JAML: variants seen among roughly 807,000 people sequenced by gnomAD.
JAML encodes the protein junctional adhesion molecule-like.
A neutral mutation model predicts 39.3 loss-of-function variants in JAML; 25 were observed. That is an observed-to-expected ratio of 0.64 (90% CI 0.46 to 0.89). The LOEUF (loss-of-function observed/expected upper bound fraction) is 0.89, where lower values mean the gene tolerates loss of function less well. Ranked by LOEUF, JAML falls within the 40% of genes least tolerant of loss-of-function variation. JAML has a pLI of 0.00. For synonymous variants in JAML, 162 were observed against 179.2 expected (o/e 0.90, Z 0.77); for missense variants, 440 against 486.9 (o/e 0.90, Z 0.91).
In JAML at chr11:118,194,318, A is replaced by C; in HGVS notation, c.*7T>G. On this transcript the variant is annotated 3_prime_UTR_variant, in exon 10 of 10. Coordinates refer to ENST00000356289, the MANE Select transcript of JAML (RefSeq NM_001098526.2). The stretch of plus-strand genomic sequence containing the variant: ...CGCTGCTGAGATGAAGGGACTCTCC[A>C]TTCTTCTCAAAAGGCTTGCTGTGTT... 6.2e-7 allele frequency: 1 copy of C among 1,609,110 alleles called. No individual in the cohort carries two copies. The highest frequency in any genetic ancestry group is 8.5e-7 in the Non-Finnish European group (1 of 1,175,908).
Position 118,203,036 on chromosome 11 carries a change from C to T in JAML, c.772+392G>A, listed in dbSNP as rs1383616031. ...TCTCTCACTAGCTTAGGATCATTTC[C>T]CGCTCCACTCTAACACATACAGCAC... On this transcript the variant is annotated intron_variant, in intron 6 of 9. Transcript: ENST00000356289. 3 of 462,148 alleles carry T rather than the reference C, an allele frequency of 6.5e-6. No individual in the cohort carries two copies. In the East Asian group the frequency reaches 2.0e-4, roughly 31 times the overall value. The allele number at this position is 462,148 out of a possible 1,614,324, so 28.6% of individuals were successfully genotyped here.
chr11:118,213,430 G>A, intron 2 of JAML: 1 of 687,618 alleles, frequency 1.5e-6, no homozygotes, highest in Non-Finnish European at 1.8e-6. Context: ...TTAACTTCCT[G>A]CCCCAACAGT....
At chr11:118,217,479 G>A (rs1039114111) in intron 1 of JAML, among the ~76,000 whole-genome samples, 3 of 152,178 alleles carry the variant, frequency 2.0e-5, no homozygotes, top group Non-Finnish European at 4.4e-5. Context: ...GAAGACAGAA[G>A]CAATGATTTT....
rs766278429 is a variant in JAML at position 118,210,625 on chromosome 11, A to G, written c.286T>C (p.Cys96Arg). 20 of 1,614,230 alleles carry G rather than the reference A, an allele frequency of 1.2e-5. No homozygotes were observed. In the South Asian group the frequency reaches 1.9e-4, roughly 15 times the overall value. ...TGGAGCAGGAGAGAGCCATCATTGC[A>G]TAAGATGTCCCCCATCAAGTGTACG... Reference protein sequence around the residue: ...NRVHLMGDILCNDGSLLLQDV... With the variant: ...NRVHLMGDILRNDGSLLLQDV... The change falls in exon 4 of 10, where the codon TGC becomes CGC. Residue 96 changes from cysteine to arginine, a missense_variant. Physicochemically the swap from Cys to Arg is radical, Grantham distance 180. Coordinates refer to ENST00000356289, the MANE Select transcript of JAML (RefSeq NM_001098526.2).
At chr11:118,210,862 C>G in intron 3 of JAML, 150 bp from the exon 4 acceptor site, 1 of 651,106 alleles carries the variant, frequency 1.5e-6, no homozygotes, top group Admixed American at 2.9e-5. Context: ...AAATAATGTG[C>G]CAGGCAACAG....
chr11:118,206,517 A>T (rs1948918775), intron 4 of JAML, among the ~76,000 whole-genome samples: 1 of 152,120 alleles, frequency 6.6e-6, no homozygotes, highest in African/African-American at 2.4e-5. Flanking sequence ...TCTCCCAACT[A>T]AAAAAATGAA....
rs775353329 is a variant in JAML at position 118,200,588 on chromosome 11, C to A, written c.797G>T (p.Arg266Met). The change falls in exon 7 of 10, where the codon AGG (arginine) becomes ATG (methionine). Residue 266 changes from arginine (R) to methionine (M), a missense_variant. By Grantham distance (91) the Arg-to-Met change is moderately conservative. Coordinates refer to ENST00000356289, the MANE Select transcript of JAML (RefSeq NM_001098526.2). ...PRTLVTPAAL[R>M]PLVLGGNQLV... ...CTGATTACCACCCAAGACCAGAGGC[C>A]TCAGGGCTGCCGGGGTCACCAGTGC... 6.2e-7 allele frequency: 1 copy of A among 1,614,138 alleles called. No individual in the cohort carries two copies. The highest frequency in any genetic ancestry group is 8.5e-7 in the Non-Finnish European group (1 of 1,180,024).
chr11:118,207,228 C>T (rs1948935962), intron 4 of JAML, among the ~76,000 whole-genome samples: 1 of 152,222 alleles, frequency 6.6e-6, no homozygotes, highest in African/African-American at 2.4e-5. Flanking sequence ...GCAATAATAA[C>T]AACTGAACAT....
At chr11:118,210,158 G>A (rs769062353) in intron 4 of JAML, among the ~76,000 whole-genome samples, 1 of 152,232 alleles carries the variant, frequency 6.6e-6, no homozygotes, top group Non-Finnish European at 1.5e-5. Context: ...TTTGTTGTCA[G>A]AGGTGCCAGG....
chr11:118,216,348 G>A (rs191412886), intron 1 of JAML, among the ~76,000 whole-genome samples: 57 of 148,190 alleles, frequency 3.8e-4, no homozygotes, highest in African/African-American at 1.4e-3. Context: ...CAGCCTGGGC[G>A]ACAGAGCGAG....
intron 4 of JAML, among the ~76,000 whole-genome samples, chr11:118,208,739 T>C (rs369457751): frequency 1.3e-5 from 2 of 152,228 alleles, no homozygotes; most frequent in East Asian, 1.9e-4. Context: ...TTTACTTTCA[T>C]TTATGTATTT....
chr11:118,210,608 G>A lies in JAML; in HGVS notation c.303C>T (p.Leu101=), dbSNP rs775861318. Residue 101 remains leucine (L), a synonymous_variant, in exon 4 of 10, where the codon CTC becomes CTT. Transcript: ENST00000356289. ...MGDILCNDGS[L]LLQDVQEADQ... ...CAGCCTCTTGCACATCTTGGAGCAGGAGAGAGCCATCATTGCATAAGATGT... is the reference window on the plus strand; with the variant it reads ...CAGCCTCTTGCACATCTTGGAGCAGAAGAGAGCCATCATTGCATAAGATGT... The A allele has an allele frequency of 9.3e-6, 15 of 1,614,122 alleles. No individual in the cohort carries two copies. The highest frequency in any genetic ancestry group is 1.2e-5 in the Non-Finnish European group (14 of 1,180,038).
intron 8 of JAML, 62 bp downstream of exon 8, chr11:118,197,936 G>C: frequency 6.9e-7 from 1 of 1,456,314 alleles, no homozygotes; most frequent in South Asian, 1.1e-5. Context: ...ATGGTTCCCG[G>C]GGGTATGAGA....
intron 1 of JAML, among the ~76,000 whole-genome samples, chr11:118,224,533 C>T (rs573888874): frequency 2.0e-5 from 3 of 152,260 alleles, no homozygotes; most frequent in African/African-American, 7.2e-5. Context: ...CTTAAATACA[C>T]ACAATAAAAT....
rs780482185 is a variant in JAML, at chr11:118,222,363, C to T, written c.-21+2578G>A. ...TGAGCCCAGGAGGCTGAGGCTGCAG[C>T]GAGTTGTGATCGCACCACTGCATTC... On this transcript the variant is annotated intron_variant, in intron 1 of 9. Coordinates refer to ENST00000356289, the MANE Select transcript of JAML (RefSeq NM_001098526.2). This position sits in a 1 kb window ranked among gnomAD's most constrained non-coding sequence, Gnocchi z 4.2. Among the ~76,000 whole-genome samples, 23 of 152,078 alleles carry T rather than the reference C, an allele frequency of 1.5e-4. No individual in the cohort carries two copies. Among genetic ancestry groups the T allele is most frequent in the African/African-American group, 2.4e-4 (10 of 41,416 alleles).
At chr11:118,210,439 A>C in intron 4 of JAML, 48 bp downstream of exon 4, 1 of 1,590,926 alleles carries the variant, frequency 6.3e-7, no homozygotes. Flanking sequence ...CCTCTTGCAC[A>C]TGAAAGCTCT....
chr11:118,213,799 A>AT (rs1949104737), intron 2 of JAML, among the ~76,000 whole-genome samples: 1 of 152,202 alleles, frequency 6.6e-6, no homozygotes, highest in Non-Finnish European at 1.5e-5. Context: ...AAGTCACCAC[A>AT]TACAGGGGTT....
chr11:118,205,625 T>C (rs1948899675), intron 5 of JAML: 1 of 454,898 alleles, frequency 2.2e-6, no homozygotes, highest in African/African-American at 2.0e-5. Context: ...AGGGGCCAAG[T>C]CTTATACAAA....
chr11:118,210,635 C>G lies in JAML; in HGVS notation c.276G>C (p.Gly92=). Reference sequence around the variant, plus strand: ...GAGAGCCATCATTGCATAAGATGTCCCCCATCAAGTGTACGCGGTTCTGGA... The same window carrying G: ...GAGAGCCATCATTGCATAAGATGTCGCCCATCAAGTGTACGCGGTTCTGGA... ...GRFQNRVHLM[G]DILCNDGSLL... The change falls in exon 4 of 10, where the codon GGG becomes GGC. Residue 92 remains glycine (G), a synonymous_variant. Coordinates refer to ENST00000356289, the MANE Select transcript of JAML (RefSeq NM_001098526.2). The G allele has an allele frequency of 4.3e-6, 7 of 1,614,184 alleles. No homozygotes were observed. The highest frequency in any genetic ancestry group is 5.9e-6 in the Non-Finnish European group (7 of 1,180,012).
Sources: allele counts gnomAD v4.1 joint callset (sites outside exome capture counted in the v4.1 genomes callset), GRCh38; gene constraint gnomAD v4.1.1; non-coding constraint Gnocchi (gnomAD v3.1); transcripts MANE v1.5; gene names NCBI Gene and HGNC (gene_info 2026-07-23, HGNC 2026-07-21).